The following FAN1 variants were observed in gnomAD, a reference collection of about 807,000 sequenced individuals.
The protein encoded by FAN1 is FANCD2 and FANCI associated nuclease 1.
FAN1 carries 91 observed loss-of-function variants against 104.9 expected under a neutral mutation model. That is an observed-to-expected ratio of 0.87 (90% CI 0.73 to 1.03). The LOEUF is 1.03. Among genes scored for constraint, FAN1 ranks in the 50% least tolerant of loss-of-function variants. The pLI is 0.00. For synonymous variants in FAN1, 478 were observed against 457.6 expected (o/e 1.04, Z -0.57); for missense variants, 1,263 against 1,239.9 (o/e 1.02, Z -0.28).
chr15:30,939,256 G>A, intron 14 of FAN1: 1 of 985,444 alleles, frequency 1.0e-6, no homozygotes, highest in Non-Finnish European at 1.2e-6. Context: ...GCAAGACACT[G>A]TACACCTTTA....
chr15:30,929,554 ATATAT>A lies in FAN1; in HGVS notation c.2787+163_2787+167del, dbSNP rs72497432. On this transcript the variant is annotated intron_variant, in intron 12 of 14. Transcript: ENST00000362065. Reference sequence around the variant, plus strand: ...ATATAGTATATATCATATATAAAATATATATTATATCTTTATTATATTTATTATAT... The same window carrying A: ...ATATAGTATATATCATATATAAAATATATATCTTTATTATATTTATTATAT... 0.13 allele frequency among the ~76,000 whole-genome samples: 15,921 copies of A among 123,570 alleles called. 1,126 individuals carry two copies. Among genetic ancestry groups the A allele is most frequent in the African/African-American group, 0.21 (7,280 of 34,766 alleles). The allele number at this position is 123,570 out of a possible 152,430, so 81.1% of individuals were successfully genotyped here.
Position 30,941,549 on chromosome 15 carries a change from A to T in FAN1, c.*4-17A>T. The T allele has an allele frequency of 1.2e-6, 2 of 1,606,134 alleles. No individual in the cohort carries two copies. Among genetic ancestry groups the T allele is most frequent in the Non-Finnish European group, 1.7e-6 (2 of 1,175,688 alleles). ...AAATTTGCTTAATGGTGTTCCTAAAATGCTTCGTCTGCACAGATTCCCTAC... is the reference window on the plus strand; with the variant it reads ...AAATTTGCTTAATGGTGTTCCTAAATTGCTTCGTCTGCACAGATTCCCTAC... On this transcript the variant is annotated splice_polypyrimidine_tract_variant and intron_variant, in intron 14 of 14. Transcript: ENST00000362065.
At chr15:30,924,921 T>G (rs1425910521) in intron 8 of FAN1, among the ~76,000 whole-genome samples, 3 of 152,198 alleles carry the variant, frequency 2.0e-5, no homozygotes, top group Non-Finnish European at 4.4e-5. Flanking sequence ...TCCAGCACGT[T>G]GACTGTGAAG....
intron 4 of FAN1, among the ~76,000 whole-genome samples, chr15:30,912,258 C>T (rs1566914139): frequency 6.6e-6 from 1 of 152,176 alleles, no homozygotes; most frequent in Non-Finnish European, 1.5e-5. Flanking sequence ...TGGTAAAGCC[C>T]AGCAGTGGAA....
At chr15:30,906,638 T>C in intron 2 of FAN1, 1 of 419,256 alleles carries the variant, frequency 2.4e-6, no homozygotes, top group Non-Finnish European at 4.8e-6. Flanking sequence ...CGGCCATGTG[T>C]GACTCCTCAG....
chr15:30,918,680 G>T (rs537749088), intron 6 of FAN1, among the ~76,000 whole-genome samples: 18 of 152,268 alleles, frequency 1.2e-4, no homozygotes, highest in Non-Finnish European at 2.4e-4. Context: ...ATTCAAGTAG[G>T]TGTTAAAAAC....
At chr15:30,921,691 A>G (rs989737096) in intron 7 of FAN1, among the ~76,000 whole-genome samples, 4 of 152,190 alleles carry the variant, frequency 2.6e-5, no homozygotes, top group African/African-American at 9.6e-5. Context: ...GGGGTAAATC[A>G]TTCCATATTA....
At chr15:30,938,139 G>A (rs2062917643) in intron 14 of FAN1, among the ~76,000 whole-genome samples, 1 of 151,462 alleles carries the variant, frequency 6.6e-6, no homozygotes, top group South Asian at 2.1e-4. Context: ...AGCCGAGATT[G>A]CACCACTGCA....
At chr15:30,916,943 A>G (rs1403279956) in intron 5 of FAN1, among the ~76,000 whole-genome samples, 2 of 152,190 alleles carry the variant, frequency 1.3e-5, no homozygotes, top group African/African-American at 4.8e-5. Flanking sequence ...TAGCTGTGTC[A>G]GGGTCTGGGT....
At chr15:30,917,170 G>A (rs1019715467) in intron 5 of FAN1, among the ~76,000 whole-genome samples, 1 of 152,294 alleles carries the variant, frequency 6.6e-6, no homozygotes, top group South Asian at 2.1e-4. Context: ...GTGAGGAGTG[G>A]ATCAAGGATG....
intron 13 of FAN1, among the ~76,000 whole-genome samples, chr15:30,932,273 GA>G (rs2062733903): frequency 6.8e-6 from 1 of 147,986 alleles, no homozygotes; most frequent in Admixed American, 6.8e-5. Context: ...GAATTCCTTT[GA>G]ATCTGTAGAC....
Position 30,929,624 on chromosome 15 carries a change from T to C in FAN1, c.2787+227T>C, listed in dbSNP as rs190879074. On this transcript the variant is annotated intron_variant, in intron 12 of 14. Transcript: ENST00000362065. Reference sequence around the variant, plus strand: ...TACATATTACATATATAATATATATTATATATTATACAATATACAATATAT... The same window carrying C: ...TACATATTACATATATAATATATATCATATATTATACAATATACAATATAT... 0.015 allele frequency among the ~76,000 whole-genome samples: 1,937 copies of C among 126,308 alleles called. 29 individuals carry two copies. Among genetic ancestry groups the C allele is most frequent in the South Asian group, 0.023 (104 of 4,580 alleles). 82.9% of individuals were successfully genotyped at this position (126,308 alleles called of 152,430 possible). A position where few individuals can be genotyped will look rare whatever the true frequency, so the allele number is the denominator to read the frequency against.
intron 1 of FAN1, among the ~76,000 whole-genome samples, chr15:30,904,272 G>A (rs1453260076): frequency 6.6e-6 from 1 of 152,104 alleles, no homozygotes; most frequent in Non-Finnish European, 1.5e-5. Context: ...TTTTAGAAAC[G>A]GATAGTTTTA....
chr15:30,928,420 G>A, intron 10 of FAN1, 133 bp from the exon 11 acceptor site: 1 of 1,496,702 alleles, frequency 6.7e-7, no homozygotes, highest in South Asian at 1.4e-5. Context: ...ATTTGCTTCT[G>A]AATCTAAAAT....
chr15:30,910,984 T>C (rs1595834977), intron 4 of FAN1, 169 bp downstream of exon 4: 1 of 1,319,744 alleles, frequency 7.6e-7, no homozygotes, highest in East Asian at 2.8e-5. Context: ...TCTTGGGTTA[T>C]TATTCAAAAT....
chr15:30,905,578 A>AAT lies in FAN1; in HGVS notation c.916_917dup (p.Met306IlefsTer2). The AAT allele has an allele frequency of 6.2e-7, 1 of 1,614,080 alleles. No homozygotes were observed. The highest frequency in any genetic ancestry group is 8.5e-7 in the Non-Finnish European group (1 of 1,179,932). ...AGGCATGTCATTGTGAAGAAGTAAA[A>AAT]ATGACTGTTGCTTCAGAAGCTAAAA... On this transcript the variant is annotated frameshift_variant, in exon 2 of 15. Transcript: ENST00000362065. LOFTEE classifies it high-confidence loss of function.
Position 30,904,663 on chromosome 15 carries a change from C to A in FAN1, c.-1C>A, listed in dbSNP as rs551430119. ...CAGAACATCCAGTTTTTCTAATACT[C>A]ATGATGTCAGAAGGGAAACCTCCTG... On this transcript the variant is annotated 5_prime_UTR_variant, in exon 2 of 15. Transcript: ENST00000362065. 6.2e-7 allele frequency: 1 copy of A among 1,607,960 alleles called. No homozygotes were observed. Among genetic ancestry groups the A allele is most frequent in the African/African-American group, 1.3e-5 (1 of 74,506 alleles).
chr15:30,926,533 A>C, intron 10 of FAN1: 1 of 665,636 alleles, frequency 1.5e-6, no homozygotes, highest in African/African-American at 2.0e-5. Flanking sequence ...CAACCACAAG[A>C]TAGGAGTTTA....
Position 30,905,316 on chromosome 15 carries a change from G to A in FAN1, c.653G>A (p.Cys218Tyr). 6.2e-7 allele frequency: 1 copy of A among 1,613,942 alleles called. No homozygotes were observed. Among genetic ancestry groups the A allele is most frequent in the Non-Finnish European group, 8.5e-7 (1 of 1,179,958 alleles). Residue 218 changes from cysteine (C) to tyrosine (Y), a missense_variant, in exon 2 of 15, where the codon TGT (cysteine) becomes TAT (tyrosine). Cys to Tyr is a radical substitution (Grantham distance 194). This residue lies in a region of FAN1 where 682 missense variants were observed against 571.1 expected (regional missense o/e 1.19). Coordinates refer to ENST00000362065, the MANE Select transcript of FAN1 (RefSeq NM_014967.5). Reference sequence around the variant, plus strand: ...TCTCAAAAAGAAAACGTGTTTAAATGTGATTCTCTAAAGGAAGAGTGCATT... The same window carrying A: ...TCTCAAAAAGAAAACGTGTTTAAATATGATTCTCTAAAGGAAGAGTGCATT... ...NSSQKENVFK[C>Y]DSLKEECIPE...
Sources: gnomAD v4.1 joint callset for allele counts (sites outside exome capture counted in the v4.1 genomes callset) on GRCh38, gnomAD v4.1.1 for gene constraint, gnomAD v4.1.1 regional missense constraint, MANE v1.5 for transcripts, NCBI Gene and HGNC (gene_info 2026-07-23, HGNC 2026-07-21) for gene names.